Variants in SCAPER observed in about 807,000 individuals in gnomAD.
SCAPER encodes S phase cyclin A-associated protein in the endoplasmic reticulum.
In SCAPER, 98 loss-of-function variants were observed where a neutral mutation model predicts 182.2. The observed-to-expected ratio is 0.54, with a 90% CI of 0.46 to 0.64. SCAPER has a LOEUF of 0.64. SCAPER is among the 30% of genes least tolerant of loss of function. The pLI, the probability that SCAPER is intolerant of heterozygous loss-of-function variation, is 0.00. For synonymous variants in SCAPER, 605 were observed against 564.6 expected (o/e 1.07, Z -1.01); for missense variants, 1,432 against 1,690.0 (o/e 0.85, Z 2.68).
At chr15:76,694,312 G>A (rs1310635281) in intron 20 of SCAPER, among the ~76,000 whole-genome samples, 1 of 151,878 alleles carries the variant, frequency 6.6e-6, no homozygotes, top group Non-Finnish European at 1.5e-5. Flanking sequence ...TTACCTCCTT[G>A]GGTGAATTTA....
chr15:76,560,109 T>C (rs2046498034), intron 23 of SCAPER, among the ~76,000 whole-genome samples: 1 of 152,146 alleles, frequency 6.6e-6, no homozygotes, highest in Non-Finnish European at 1.5e-5. Context: ...AATGTTTGTG[T>C]GCCCCTCTCC....
intron 20 of SCAPER, among the ~76,000 whole-genome samples, chr15:76,692,755 G>A (rs1276417643): frequency 7.0e-6 from 1 of 143,546 alleles, no homozygotes. Flanking sequence ...GGAAATGAAA[G>A]GAAGAAAAAT....
At chr15:76,637,740 A>G (rs1212801606) in intron 21 of SCAPER, among the ~76,000 whole-genome samples, 15 of 31,928 alleles carry the variant, frequency 4.7e-4, no homozygotes, top group African/African-American at 1.0e-3. Context: ...ATATATATAT[A>G]TATGTGTGTG....
chr15:76,405,244 G>T (rs2044743962), intron 26 of SCAPER, among the ~76,000 whole-genome samples: 1 of 151,170 alleles, frequency 6.6e-6, no homozygotes, highest in Non-Finnish European at 1.5e-5. Context: ...CTCGCAAGTA[G>T]TTGGGACTAC....
At chr15:76,564,547 A>T (rs1245617917) in intron 23 of SCAPER, among the ~76,000 whole-genome samples, 1 of 152,186 alleles carries the variant, frequency 6.6e-6, no homozygotes, top group African/African-American at 2.4e-5. Context: ...CTCCATGCTC[A>T]TGGATAAGAA....
At position 76,348,635 on chromosome 15, in the gene SCAPER, A is replaced by AT. The variant is rs2040325935; in HGVS notation, c.4200dup (p.Ter1401IlefsTer14). 1 of 1,533,694 alleles carries AT rather than the reference A, an allele frequency of 6.5e-7. No individual in the cohort carries two copies. Among genetic ancestry groups the AT allele is most frequent in the East Asian group, 2.4e-5 (1 of 40,964 alleles). ...AAATACAGAATCAACCAAAACATTT[A>AT]TTTTTTCTCTTTTTTCAAGAAAAAC... On this transcript the variant is annotated frameshift_variant, in exon 32 of 32. Transcript: ENST00000563290. LOFTEE classifies it high-confidence loss of function.
intron 15 of SCAPER, among the ~76,000 whole-genome samples, chr15:76,750,152 T>C (rs1034057681): frequency 2.6e-5 from 4 of 151,138 alleles, no homozygotes; most frequent in Admixed American, 2.0e-4. Context: ...AAACAACTGG[T>C]GCTGGAACAG....
chr15:76,369,762 T>C (rs2042025825), intron 29 of SCAPER, among the ~76,000 whole-genome samples: 1 of 152,214 alleles, frequency 6.6e-6, no homozygotes, highest in South Asian at 2.1e-4. Flanking sequence ...ATAGAAAACT[T>C]CCCAACTCTA....
In SCAPER at chr15:76,666,578, T is replaced by C. The variant is rs1053307656; in HGVS notation, c.2509-789A>G. Among the ~76,000 whole-genome samples the C allele has an allele frequency of 4.6e-5, 7 of 152,226 alleles. No homozygotes were observed. The East Asian group carries it at 7.7e-4, about 17-fold the overall frequency. ...TGTCTGAAGCAGATTAATGTGGCTA[T>C]AATTACAAACTTTAAATTTATGAAA... is the stretch of plus-strand genomic sequence containing the variant. On this transcript the variant is annotated intron_variant, in intron 20 of 31. Transcript: ENST00000563290.
intron 24 of SCAPER, among the ~76,000 whole-genome samples, chr15:76,484,873 C>CT (rs34831266): frequency 0.98 from 149,029 of 152,290 alleles, 73,000 homozygotes; most frequent in South Asian, 1. Context: ...ATGTTAAAAA[C>CT]CTCAATAAAC....
chr15:76,794,454 T>G (rs1466474083), intron 8 of SCAPER, among the ~76,000 whole-genome samples: 2 of 152,142 alleles, frequency 1.3e-5, no homozygotes, highest in Admixed American at 1.3e-4. Context: ...TAAGTTAGTA[T>G]GAAGAGGGGC....
chr15:76,395,930 CCTT>C (rs1185688254), intron 27 of SCAPER, among the ~76,000 whole-genome samples: 1 of 152,110 alleles, frequency 6.6e-6, no homozygotes, highest in African/African-American at 2.4e-5. Context: ...AGTACAATGT[CCTT>C]AAGAGTTTCC....
intron 3 of SCAPER, among the ~76,000 whole-genome samples, chr15:76,858,322 T>C (rs892029856): frequency 2.0e-5 from 3 of 152,242 alleles, no homozygotes; most frequent in Non-Finnish European, 2.9e-5. Context: ...TTATCTGATA[T>C]ATGAAATGCA....
At chr15:76,800,480 CA>C (rs894251245) in intron 6 of SCAPER, 116 bp from the exon 7 acceptor site, 18 of 691,054 alleles carry the variant, frequency 2.6e-5, no homozygotes, top group Non-Finnish European at 4.3e-5. Flanking sequence ...ACAACAACAA[CA>C]AAAAGTCACA....
At chr15:76,745,329 A>G (rs1306040866) in intron 15 of SCAPER, among the ~76,000 whole-genome samples, 1 of 152,032 alleles carries the variant, frequency 6.6e-6, no homozygotes, top group Non-Finnish European at 1.5e-5. Flanking sequence ...TGTGCTTGTA[A>G]TCTCAGCTAC....
intron 23 of SCAPER, among the ~76,000 whole-genome samples, chr15:76,546,629 TCTCTCTCTCTCTCC>T (rs1264949007): frequency 1.3e-5 from 2 of 151,702 alleles, no homozygotes; most frequent in Admixed American, 6.6e-5. Flanking sequence ...TTTATACTTC[TCTCTCTCTCTCTCC>T]CTCTCTCTCT....
At chr15:76,471,107 T>C in intron 25 of SCAPER, 105 bp downstream of exon 25, 1 of 860,874 alleles carries the variant, frequency 1.2e-6, no homozygotes. Flanking sequence ...TCTTTTTTTT[T>C]TTTTTCATCT....
At chr15:76,405,131 T>TTTTA (rs1209876147) in intron 26 of SCAPER, among the ~76,000 whole-genome samples, 1 of 149,294 alleles carries the variant, frequency 6.7e-6, no homozygotes, top group African/African-American at 2.5e-5. Context: ...TTTTTTTTTT[T>TTTTA]AGAGACAGCG....
intron 4 of SCAPER, among the ~76,000 whole-genome samples, chr15:76,844,499 C>T (rs1282932496): frequency 3.3e-5 from 5 of 151,806 alleles, no homozygotes; most frequent in African/African-American, 7.3e-5. Context: ...GAGAGAAGAC[C>T]CAAATAAATA....
Sources: allele counts gnomAD v4.1 joint callset (sites outside exome capture counted in the v4.1 genomes callset), GRCh38; gene constraint gnomAD v4.1.1; transcripts MANE v1.5; gene names NCBI Gene and HGNC (gene_info 2026-07-23, HGNC 2026-07-21).